ADGRL3: variants seen among roughly 807,000 people sequenced by gnomAD.
The protein encoded by ADGRL3 is calcium-independent alpha-latrotoxin receptor 3.
Under a neutral mutation model 153.5 loss-of-function variants are expected in ADGRL3, and 62 were observed. The ratio of observed to expected loss-of-function variants is 0.40; its 90% confidence interval spans 0.33 to 0.50. ADGRL3 has a LOEUF of 0.50. Ranked by LOEUF, ADGRL3 falls within the 20% of genes least tolerant of loss-of-function variation. The probability of loss-of-function intolerance (pLI) is 0.47; values close to 1 mark genes in which losing one functional copy is unlikely to be tolerated. For synonymous variants in ADGRL3, 710 were observed against 672.5 expected (o/e 1.06, Z -0.86); for missense variants, 1,641 against 1,859.4 (o/e 0.88, Z 2.16).
intron 22 of ADGRL3, among the ~76,000 whole-genome samples, chr4:62,029,168 T>C (rs963063534): frequency 6.6e-6 from 1 of 151,798 alleles, no homozygotes; most frequent in East Asian, 1.9e-4. Context: ...TCTCTTTTAA[T>C]AGCTTCCCTT....
At position 61,200,747 on chromosome 4, in the gene ADGRL3, C is replaced by A. The variant is rs1467431944; in HGVS notation, c.-1258C>A. On this transcript the variant is annotated 5_prime_UTR_variant, in exon 1 of 27. Transcript: ENST00000683033. ...GCGTGTCTGGAGAGCGCCAGTGCCT[C>A]GCTCGCTCTTGGGGAGTCGAAGAAG... Among the ~76,000 whole-genome samples, 1 of 152,124 alleles carries A rather than the reference C, an allele frequency of 6.6e-6. No individual in the cohort carries two copies. Among genetic ancestry groups the A allele is most frequent in the African/African-American group, 2.4e-5 (1 of 41,446 alleles).
chr4:61,503,032 C>G (rs1161510099), intron 3 of ADGRL3, among the ~76,000 whole-genome samples: 10 of 152,106 alleles, frequency 6.6e-5, no homozygotes, highest in Non-Finnish European at 1.5e-4. Flanking sequence ...ACATCCAACG[C>G]CATCCACATT....
chr4:61,462,555 A>G lies in ADGRL3; in HGVS notation c.-173-34566A>G, dbSNP rs1282181824. Among the ~76,000 whole-genome samples, 3 of 152,266 alleles carry G rather than the reference A, an allele frequency of 2.0e-5. No individual in the cohort carries two copies. In the East Asian group the frequency reaches 5.8e-4, roughly 29 times the overall value. Reference sequence around the variant, plus strand: ...CACATGAGTCAGCAGAAAAATATGTACTAAAACATAATAAACTAAAGATAT... The same window carrying G: ...CACATGAGTCAGCAGAAAAATATGTGCTAAAACATAATAAACTAAAGATAT... On this transcript the variant is annotated intron_variant, in intron 2 of 26. Coordinates refer to ENST00000683033, the MANE Select transcript of ADGRL3 (RefSeq NM_001387552.1).
intron 9 of ADGRL3, among the ~76,000 whole-genome samples, chr4:61,839,262 C>T (rs1000775838): frequency 1.3e-5 from 2 of 152,104 alleles, no homozygotes; most frequent in African/African-American, 4.8e-5. Context: ...CTTGTCACAG[C>T]TCACTGCAGC....
At chr4:61,578,980 C>T (rs2098909726) in intron 4 of ADGRL3, among the ~76,000 whole-genome samples, 1 of 152,098 alleles carries the variant, frequency 6.6e-6, no homozygotes, top group Admixed American at 6.6e-5. Flanking sequence ...TCTGAACTTT[C>T]CCCTTTCTGG....
chr4:61,720,246 C>T (rs557113114), intron 6 of ADGRL3, among the ~76,000 whole-genome samples: 27 of 151,960 alleles, frequency 1.8e-4, no homozygotes, highest in Middle Eastern at 3.4e-3. Context: ...CCCACCACCA[C>T]GCCCAGTTAA....
chr4:61,456,405 A>ATATATATATATAGATATATCTATATC (rs2097746469), intron 2 of ADGRL3, among the ~76,000 whole-genome samples: 2 of 53,892 alleles, frequency 3.7e-5, no homozygotes, highest in South Asian at 6.5e-4. Flanking sequence ...ATCTATATCT[A>ATATATATATATAGATATATCTATATC]TATATATATA....
intron 1 of ADGRL3, among the ~76,000 whole-genome samples, chr4:61,229,326 A>G (rs1448946787): frequency 6.6e-6 from 1 of 152,234 alleles, no homozygotes; most frequent in Non-Finnish European, 1.5e-5. Context: ...TTGTATAGAT[A>G]GCAACTGTTT....
In ADGRL3 at chr4:61,351,749, A is replaced by AAAAAAGAAAAAG. The variant is rs572531796; in HGVS notation, c.-239-31360_-239-31349dup. Reference sequence around the variant, plus strand: ...CTGTTGAGACCTACTGCTCAGAAAAAAAAAAGAAAAAGAAAAAGAAAAAGA... The same window carrying AAAAAAGAAAAAG: ...CTGTTGAGACCTACTGCTCAGAAAAAAAAAAGAAAAAGAAAAAGAAAAAGAAAAAGAAAAAGA... On this transcript the variant is annotated intron_variant, in intron 1 of 26. Transcript: ENST00000683033. Among the ~76,000 whole-genome samples, 1,408 of 152,064 alleles carry AAAAAAGAAAAAG rather than the reference A, an allele frequency of 9.3e-3. 20 individuals are homozygous for AAAAAAGAAAAAG. Among genetic ancestry groups the AAAAAAGAAAAAG allele is most frequent in the African/African-American group, 0.032 (1,327 of 41,374 alleles).
chr4:62,003,174 G>A (rs1581829750), intron 21 of ADGRL3, among the ~76,000 whole-genome samples: 1 of 152,206 alleles, frequency 6.6e-6, no homozygotes, highest in African/African-American at 2.4e-5. Flanking sequence ...TTGCTTTTCT[G>A]TATCCGTCCC....
At chr4:61,964,509 CTT>C (rs1275515911) in intron 17 of ADGRL3, among the ~76,000 whole-genome samples, 2 of 151,798 alleles carry the variant, frequency 1.3e-5, no homozygotes, top group Non-Finnish European at 2.9e-5. Context: ...GTGACAGACT[CTT>C]TTTTTTCATA....
At chr4:61,368,141 T>C (rs1311509862) in intron 1 of ADGRL3, among the ~76,000 whole-genome samples, 2 of 151,756 alleles carry the variant, frequency 1.3e-5, no homozygotes, top group Admixed American at 6.6e-5. Flanking sequence ...ATATTACCCC[T>C]TTGTCAGATG....
At chr4:61,231,599 G>A (rs183237598) in intron 1 of ADGRL3, among the ~76,000 whole-genome samples, 1 of 151,946 alleles carries the variant, frequency 6.6e-6, no homozygotes, top group Admixed American at 6.6e-5. Flanking sequence ...TGCCTCCCCC[G>A]GATCTAGGTA....
At chr4:61,824,322 G>T (rs944904263) in intron 9 of ADGRL3, among the ~76,000 whole-genome samples, 1 of 151,966 alleles carries the variant, frequency 6.6e-6, no homozygotes, top group East Asian at 1.9e-4. Flanking sequence ...AAACATGTAC[G>T]CTTCTCTCAG....
chr4:61,513,712 T>G (rs903037251), intron 3 of ADGRL3, among the ~76,000 whole-genome samples: 2 of 152,064 alleles, frequency 1.3e-5, no homozygotes, highest in East Asian at 1.9e-4. Flanking sequence ...GATTTAAAAG[T>G]TAAAACTTTA....
intron 5 of ADGRL3, among the ~76,000 whole-genome samples, chr4:61,668,725 A>C (rs1478531564): frequency 6.6e-6 from 1 of 152,172 alleles, no homozygotes; most frequent in Non-Finnish European, 1.5e-5. Flanking sequence ...TTCTCAAAAA[A>C]AAAAAAATGG....
At chr4:61,585,525 A>G (rs762635447) in intron 4 of ADGRL3, among the ~76,000 whole-genome samples, 3 of 151,970 alleles carry the variant, frequency 2.0e-5, no homozygotes, top group Non-Finnish European at 4.4e-5. Context: ...AGAAGCACAT[A>G]TTTGTTTAAA....
chr4:61,843,621 A>AT (rs2098067629), intron 9 of ADGRL3, among the ~76,000 whole-genome samples: 3 of 152,128 alleles, frequency 2.0e-5, no homozygotes, highest in Non-Finnish European at 4.4e-5. Flanking sequence ...TCCTCGAAAG[A>AT]GAAAAAAAAT....
chr4:61,867,204 A>T (rs2098405636), intron 9 of ADGRL3, among the ~76,000 whole-genome samples: 1 of 152,204 alleles, frequency 6.6e-6, no homozygotes, highest in East Asian at 1.9e-4. Flanking sequence ...TAAGTGATTT[A>T]AGATTGTAGG....
Sources: allele counts gnomAD v4.1 joint callset (sites outside exome capture counted in the v4.1 genomes callset), GRCh38; gene constraint gnomAD v4.1.1; transcripts MANE v1.5; gene names NCBI Gene and HGNC (gene_info 2026-07-23, HGNC 2026-07-21).